The following WDFY3 variants were observed in gnomAD, a reference collection of about 807,000 sequenced individuals.
The protein encoded by WDFY3 is WD repeat and FYVE domain-containing protein 3.
WDFY3 carries 66 observed loss-of-function variants against 409.6 expected under a neutral mutation model. That is an observed-to-expected ratio of 0.16 (90% CI 0.13 to 0.20). WDFY3 has a LOEUF of 0.20. Ranked by LOEUF, WDFY3 falls within the 10% of genes least tolerant of loss-of-function variation. WDFY3 has a pLI of 1.00. For synonymous variants in WDFY3, 1,521 were observed against 1,537.1 expected, an observed-to-expected ratio of 0.99 and a Z score of 0.25; for missense variants, 3,031 against 4,298.1, an observed-to-expected ratio of 0.71 and a Z score of 8.24.
chr4:84,839,036 A>G (rs1460319298), intron 6 of WDFY3, among the ~76,000 whole-genome samples: 1 of 152,188 alleles, frequency 6.6e-6, no homozygotes, highest in African/African-American at 2.4e-5. Context: ...TTTTAAATGT[A>G]TCTATTTCCA....
At chr4:84,778,720 AAC>A (rs1172217516) in intron 26 of WDFY3, 65 bp from the exon 27 acceptor site, 19 of 1,498,116 alleles carry the variant, frequency 1.3e-5, no homozygotes, top group Non-Finnish European at 1.7e-5. Flanking sequence ...CACACACACA[AAC>A]ACACACATAC....
At chr4:84,743,463 AAACTTTCATAT>A (rs1181607487) in intron 37 of WDFY3, among the ~76,000 whole-genome samples, 10 of 152,186 alleles carry the variant, frequency 6.6e-5, no homozygotes, top group Admixed American at 5.9e-4. Context: ...CTCAAGCTGA[AAACTTTCATAT>A]ATCTGTCAAG....
At chr4:84,723,562 TACTC>T (rs1317575126) in intron 46 of WDFY3, among the ~76,000 whole-genome samples, 7 of 152,338 alleles carry the variant, frequency 4.6e-5, no homozygotes, top group East Asian at 3.9e-4. Flanking sequence ...TTGATTTACT[TACTC>T]AGTTGAACTG....
At position 84,794,577 on chromosome 4, in the gene WDFY3, T is replaced by C. The variant is rs761921441; in HGVS notation, c.3429A>G (p.Leu1143=). 42 of 1,614,014 alleles carry C rather than the reference T, an allele frequency of 2.6e-5. No homozygotes were observed. The highest frequency in any genetic ancestry group is 6.6e-5 in the South Asian group (6 of 91,094). Reference sequence around the variant, plus strand: ...CAATCAGAGATCGGTCTTTTGCTGATAGAACTATTGCAAGGCACACGTAAT... The same window carrying C: ...CAATCAGAGATCGGTCTTTTGCTGACAGAACTATTGCAAGGCACACGTAAT... ...EQHYVCLAIV[L]SAKDRSLIVS... Residue 1143 remains leucine, a synonymous_variant, in exon 21 of 68, where the codon CTA becomes CTG. Coordinates refer to ENST00000295888, the MANE Select transcript of WDFY3 (RefSeq NM_014991.6).
At chr4:84,945,399 C>G (rs932499854) in intron 1 of WDFY3, among the ~76,000 whole-genome samples, 5 of 152,180 alleles carry the variant, frequency 3.3e-5, no homozygotes, top group Non-Finnish European at 5.9e-5. Context: ...AACACCAATT[C>G]TGAATTTGTC....
chr4:84,777,878 TA>T (rs1745820417), intron 27 of WDFY3, among the ~76,000 whole-genome samples: 1 of 151,838 alleles, frequency 6.6e-6, no homozygotes, highest in Non-Finnish European at 1.5e-5. Flanking sequence ...AACAAGAAAT[TA>T]AATGGAAAAA....
At chr4:84,705,253 T>C (rs761821105) in intron 54 of WDFY3, 141 bp downstream of exon 54, 14 of 627,506 alleles carry the variant, frequency 2.2e-5, no homozygotes, top group Non-Finnish European at 3.6e-5. Flanking sequence ...TATAATAATC[T>C]GCATATATGT....
At chr4:84,796,814 G>T in intron 18 of WDFY3, 62 bp from the exon 19 acceptor site, 3 of 1,401,000 alleles carry the variant, frequency 2.1e-6, no homozygotes, top group African/African-American at 1.4e-5. Flanking sequence ...ACTTTACAAG[G>T]CTGATTTATT....
intron 17 of WDFY3, among the ~76,000 whole-genome samples, chr4:84,801,424 G>T (rs1750543561): frequency 6.6e-6 from 1 of 152,190 alleles, no homozygotes; most frequent in Non-Finnish European, 1.5e-5. Context: ...GAGCTTGCTA[G>T]ATTCAAATGA....
intron 2 of WDFY3, among the ~76,000 whole-genome samples, chr4:84,897,416 C>G (rs992351931): frequency 6.6e-6 from 1 of 152,250 alleles, no homozygotes; most frequent in African/African-American, 2.4e-5. Flanking sequence ...CAGTTTCACT[C>G]TTGTCACCCA....
At chr4:84,733,651 G>C in intron 43 of WDFY3, 42 bp from the exon 44 acceptor site, 1 of 1,552,420 alleles carries the variant, frequency 6.4e-7, no homozygotes, top group Non-Finnish European at 8.7e-7. Context: ...GCAAAAGCAG[G>C]AGTAACAGTA....
At chr4:84,837,157 CA>C in intron 6 of WDFY3, 67 bp from the exon 7 acceptor site, 3 of 1,316,646 alleles carry the variant, frequency 2.3e-6, no homozygotes, top group Non-Finnish European at 3.0e-6. Flanking sequence ...CCAAATAATT[CA>C]CAAATGTTAA....
At chr4:84,717,267 A>G (rs150666649) in intron 48 of WDFY3, among the ~76,000 whole-genome samples, 428 of 152,338 alleles carry the variant, frequency 2.8e-3, no homozygotes, top group African/African-American at 9.8e-3. Flanking sequence ...AGACATGGTT[A>G]GCACAGTGCC....
rs1760452767 is a variant in WDFY3, at chr4:84,860,498, A to C, written c.94T>G (p.Phe32Val). ...CGGGGAGGATGGCACAACTCCGTGA[A>C]GAGCCGGCGGAGGTGCATCAGTCCT... Reference protein sequence around the residue: ...ALGLMHLRRLFTELCHPPRHM... With the variant: ...ALGLMHLRRLVTELCHPPRHM... The change falls in exon 4 of 68, where the codon TTC becomes GTC. Residue 32 changes from phenylalanine (F) to valine (V), a missense_variant. Transcript: ENST00000295888. The C allele has an allele frequency of 1.2e-6, 2 of 1,614,038 alleles. No homozygotes were observed. The highest frequency in any genetic ancestry group is 2.7e-5 in the African/African-American group (2 of 74,932).
At chr4:84,916,483 A>G (rs896382222) in intron 2 of WDFY3, among the ~76,000 whole-genome samples, 1 of 152,212 alleles carries the variant, frequency 6.6e-6, no homozygotes, top group Non-Finnish European at 1.5e-5. Flanking sequence ...TATTTCCTGA[A>G]GAATACTGCC....
chr4:84,898,435 C>T (rs778024638), intron 2 of WDFY3, among the ~76,000 whole-genome samples: 35 of 152,070 alleles, frequency 2.3e-4, no homozygotes, highest in Non-Finnish European at 3.7e-4. Context: ...TTGTTTGTTT[C>T]GTCCCCAAAT....
rs750484383 is a variant in WDFY3 at position 84,670,120 on chromosome 4, T to C, written c.*2748A>G. The C allele has an allele frequency of 9.2e-5, 14 of 152,794 alleles. No individual in the cohort carries two copies. The highest frequency in any genetic ancestry group is 3.9e-4 in the Admixed American group (6 of 15,304). 9.5% of individuals were successfully genotyped at this position (152,794 alleles called of 1,614,324 possible). ...AGTGTTTTGCTATTATCCAGACGGA[T>C]GGCTGCTATGGGCAGCTATTCTCTT... On this transcript the variant is annotated 3_prime_UTR_variant, in exon 68 of 68. Coordinates refer to ENST00000295888, the MANE Select transcript of WDFY3 (RefSeq NM_014991.6).
At chr4:84,830,421 A>G (rs1343077247) in intron 8 of WDFY3, among the ~76,000 whole-genome samples, 1 of 152,178 alleles carries the variant, frequency 6.6e-6, no homozygotes, top group Non-Finnish European at 1.5e-5. Flanking sequence ...GGCTAACATA[A>G]GTGTTCTAGC....
chr4:84,757,833 T>TAGAGACAA (rs1261878088), intron 32 of WDFY3, among the ~76,000 whole-genome samples: 60 of 152,306 alleles, frequency 3.9e-4, no homozygotes, highest in African/African-American at 1.3e-3. Flanking sequence ...CCTATGAATT[T>TAGAGACAA]AGAGACAAGA....
Sources: gnomAD v4.1 joint callset for allele counts (sites outside exome capture counted in the v4.1 genomes callset) on GRCh38, gnomAD v4.1.1 for gene constraint, MANE v1.5 for transcripts, NCBI Gene and HGNC (gene_info 2026-07-23, HGNC 2026-07-21) for gene names.